HERC1: variants seen among roughly 807,000 people sequenced by gnomAD.
The protein encoded by HERC1 is probable E3 ubiquitin-protein ligase HERC1.
In HERC1, 160 loss-of-function variants were observed where a neutral mutation model predicts 554.3. The observed-to-expected ratio is 0.29, with a 90% CI of 0.25 to 0.33. The LOEUF (loss-of-function observed/expected upper bound fraction) is 0.33. HERC1 is among the 10% of genes least tolerant of loss of function. The pLI, the probability that HERC1 is intolerant of heterozygous loss-of-function variation, is 1.00. For missense variants in HERC1, 4,919 were observed against 5,918.5 expected, an observed-to-expected ratio of 0.83 and a Z score of 5.54; for synonymous variants, 2,175 against 2,131.7, an observed-to-expected ratio of 1.02 and a Z score of -0.56.
rs1325228876 is a variant in HERC1, at chr15:63,733,095, T to C, written c.2697A>G (p.Val899=). 1 of 1,613,982 alleles carries C rather than the reference T, an allele frequency of 6.2e-7. No individual in the cohort carries two copies. The highest frequency in any genetic ancestry group is 8.5e-7 in the Non-Finnish European group (1 of 1,179,848). The change falls in exon 14 of 78, where the codon GTA becomes GTG. Residue 899 remains valine (V), a synonymous_variant. Transcript: ENST00000443617. The part of the protein sequence containing the change: ...ILTSLQDHTH[V]ASLLGYSSPS... ...GTGAACTATAGCCAAGTAGGGAGGC[T>C]ACGTGGGTATGATCTTGCAAACTTG...
chr15:63,678,592 A>G (rs1294948921), intron 36 of HERC1, among the ~76,000 whole-genome samples: 2 of 152,070 alleles, frequency 1.3e-5, no homozygotes, highest in Non-Finnish European at 2.9e-5. Context: ...ATTTCCTGTA[A>G]CTCATGAATT....
chr15:63,748,450 C>T lies in HERC1; in HGVS notation c.2220-592G>A, dbSNP rs765917201. On this transcript the variant is annotated intron_variant, in intron 10 of 77. Coordinates refer to ENST00000443617, the MANE Select transcript of HERC1 (RefSeq NM_003922.4). ...GGCTGAGTCACATGATCTACTAAAG[C>T]CCCTCTGGTTCTAAGAGTCCAGAAA... is the stretch of plus-strand genomic sequence containing the variant. 3.3e-5 allele frequency among the ~76,000 whole-genome samples: 5 copies of T among 152,174 alleles called. No homozygotes were observed. The South Asian group carries it at 1.0e-3, about 32-fold the overall frequency.
chr15:63,782,401 C>G (rs67875794), intron 1 of HERC1, among the ~76,000 whole-genome samples: 1 of 152,134 alleles, frequency 6.6e-6, no homozygotes, highest in African/African-American at 2.4e-5. Flanking sequence ...AATCCAACAA[C>G]GAAGCCTGGA....
chr15:63,633,032 A>C (rs1003021512), intron 67 of HERC1, among the ~76,000 whole-genome samples: 3 of 152,236 alleles, frequency 2.0e-5, no homozygotes, highest in African/African-American at 4.8e-5. Context: ...AGTTTGACTA[A>C]AGTCCCCAGG....
intron 2 of HERC1, among the ~76,000 whole-genome samples, chr15:63,767,334 T>G (rs2075813388): frequency 6.6e-6 from 1 of 152,132 alleles, no homozygotes; most frequent in Non-Finnish European, 1.5e-5. Flanking sequence ...TATATTCATC[T>G]GTCCTCTTTC....
At chr15:63,695,383 C>CA (rs1567023180) in intron 27 of HERC1, among the ~76,000 whole-genome samples, 1 of 103,306 alleles carries the variant, frequency 9.7e-6, no homozygotes, top group Non-Finnish European at 2.0e-5. Context: ...TCTGTATAAT[C>CA]TTTTTTTTTT....
intron 71 of HERC1, among the ~76,000 whole-genome samples, chr15:63,625,518 A>AC (rs781717079): frequency 1.4e-4 from 21 of 151,766 alleles, no homozygotes; most frequent in Non-Finnish European, 2.8e-4. Flanking sequence ...ACATGGTGAA[A>AC]CCCCATCTTT....
At chr15:63,737,078 C>A (rs998889991) in intron 12 of HERC1, among the ~76,000 whole-genome samples, 1 of 150,072 alleles carries the variant, frequency 6.7e-6, no homozygotes, top group Non-Finnish European at 1.5e-5. Context: ...TAAGACAGAA[C>A]GGGAGGCTAC....
chr15:63,691,291 C>T (rs918992612), intron 31 of HERC1, among the ~76,000 whole-genome samples: 4 of 151,702 alleles, frequency 2.6e-5, no homozygotes, highest in South Asian at 2.1e-4. Context: ...CATGGTGAAA[C>T]CCTGCCTTTA....
At chr15:63,669,721 A>G (rs760685095) in intron 39 of HERC1, 23 bp from the exon 40 acceptor site, 9 of 1,606,670 alleles carry the variant, frequency 5.6e-6, no homozygotes, top group South Asian at 1.1e-5. Flanking sequence ...AACAGTGGTT[A>G]GCATAAAAAT....
intron 70 of HERC1, among the ~76,000 whole-genome samples, chr15:63,626,668 T>TA (rs1482854807): frequency 6.6e-6 from 1 of 152,114 alleles, no homozygotes; most frequent in Non-Finnish European, 1.5e-5. Flanking sequence ...ACTACAAGAA[T>TA]AAGAGTTCTG....
At chr15:63,701,964 T>C (rs60576753) in intron 25 of HERC1, among the ~76,000 whole-genome samples, 256 of 152,308 alleles carry the variant, frequency 1.7e-3, no homozygotes, top group African/African-American at 5.9e-3. Context: ...CAGAATCACC[T>C]ACTATATAAA....
At chr15:63,671,782 G>A (rs572848121) in intron 39 of HERC1, among the ~76,000 whole-genome samples, 49 of 152,218 alleles carry the variant, frequency 3.2e-4, no homozygotes, top group African/African-American at 1.0e-3. Context: ...AGTGAAAATC[G>A]TAATGCCTTC....
intron 2 of HERC1, among the ~76,000 whole-genome samples, chr15:63,774,363 T>C (rs1043685226): frequency 6.6e-6 from 1 of 152,204 alleles, no homozygotes. Context: ...GAGGTTTTTT[T>C]TTCTAAAGAC....
chr15:63,644,240 A>T (rs1186886487), intron 57 of HERC1, among the ~76,000 whole-genome samples: 1 of 152,220 alleles, frequency 6.6e-6, no homozygotes, highest in Non-Finnish European at 1.5e-5. Context: ...TGTAAAGTGT[A>T]TTTCTTCCAA....
intron 34 of HERC1, among the ~76,000 whole-genome samples, chr15:63,681,329 G>C (rs2153000068): frequency 6.6e-6 from 1 of 152,202 alleles, no homozygotes; most frequent in Non-Finnish European, 1.5e-5. Context: ...AGTCTCCTGA[G>C]TAACTAGGAC....
chr15:63,812,116 CACTA>C (rs1361351122), intron 1 of HERC1, among the ~76,000 whole-genome samples: 1 of 152,164 alleles, frequency 6.6e-6, no homozygotes, highest in Non-Finnish European at 1.5e-5. Flanking sequence ...TAAACATAGA[CACTA>C]AGTTGCCTAC....
chr15:63,725,810 C>A (rs1025248593), intron 17 of HERC1, among the ~76,000 whole-genome samples: 2 of 152,072 alleles, frequency 1.3e-5, no homozygotes, highest in Admixed American at 1.3e-4. Context: ...CTTTTCATTA[C>A]CCAGACCAAA....
rs1205793562 is a variant in HERC1 at position 63,747,091 on chromosome 15, C to A, written c.2355-8G>T. The A allele has an allele frequency of 1.3e-6, 2 of 1,589,328 alleles. No homozygotes were observed. The highest frequency in any genetic ancestry group is 1.3e-5 in the African/African-American group (1 of 74,480). On this transcript the variant is annotated splice_polypyrimidine_tract_variant and splice_region_variant and intron_variant, in intron 11 of 77. Coordinates refer to ENST00000443617, the MANE Select transcript of HERC1 (RefSeq NM_003922.4). ...AGAAAACTGTGGTGTTCTCTGAAAC[C>A]AAATAAACGTCTATGAATTCTCGGA...
Sources: gnomAD v4.1 joint callset for allele counts (sites outside exome capture counted in the v4.1 genomes callset) on GRCh38, gnomAD v4.1.1 for gene constraint, MANE v1.5 for transcripts, NCBI Gene and HGNC (gene_info 2026-07-23, HGNC 2026-07-21) for gene names.